SAMD4A: variants seen among roughly 807,000 people sequenced by gnomAD.
SAMD4A encodes the protein protein Smaug homolog 1.
Under a neutral mutation model 81.3 loss-of-function variants are expected in SAMD4A, and 33 were observed. The ratio of observed to expected loss-of-function variants is 0.41; its 90% CI spans 0.31 to 0.54. SAMD4A has a LOEUF of 0.54. Among genes scored for constraint, SAMD4A ranks in the 20% least tolerant of loss-of-function variants. SAMD4A has a pLI of 0.37. For synonymous variants in SAMD4A, 389 were observed against 382.1 expected (o/e 1.02, Z -0.21); for missense variants, 854 against 951.1 (o/e 0.90, Z 1.34).
chr14:54,638,970 C>G (rs1018379325), intron 2 of SAMD4A, among the ~76,000 whole-genome samples: 2 of 152,076 alleles, frequency 1.3e-5, no homozygotes, highest in Non-Finnish European at 2.9e-5. Context: ...TTTTTGAAAT[C>G]TGACCAAGTT....
intron 2 of SAMD4A, among the ~76,000 whole-genome samples, chr14:54,653,457 A>G (rs1461235417): frequency 6.6e-6 from 1 of 151,704 alleles, no homozygotes; most frequent in Non-Finnish European, 1.5e-5. Context: ...CTTCTGCCTC[A>G]GCCTCCTGAG....
At chr14:54,693,764 C>CGAGGA (rs1253215125) in intron 2 of SAMD4A, 8 of 152,198 alleles carry the variant, frequency 5.3e-5, no homozygotes, top group Non-Finnish European at 1.2e-4. Flanking sequence ...AGCTTGCATT[C>CGAGGA]TAATGGAGAG....
At chr14:54,593,644 T>G (rs552461475) in intron 2 of SAMD4A, among the ~76,000 whole-genome samples, 1 of 152,282 alleles carries the variant, frequency 6.6e-6, no homozygotes, top group African/African-American at 2.4e-5. Flanking sequence ...TAATTTTGAT[T>G]GAAAAATGGC....
intron 5 of SAMD4A, among the ~76,000 whole-genome samples, chr14:54,751,053 G>C (rs1234428070): frequency 6.6e-6 from 1 of 152,180 alleles, no homozygotes; most frequent in African/African-American, 2.4e-5. Flanking sequence ...CTTGAGCCCA[G>C]GAGTTTGAGA....
intron 2 of SAMD4A, among the ~76,000 whole-genome samples, chr14:54,602,580 C>T (rs960695778): frequency 5.3e-5 from 8 of 151,464 alleles, no homozygotes; most frequent in Non-Finnish European, 7.4e-5. Flanking sequence ...CCTGTTGGGG[C>T]TAGAATTGGG....
At position 54,715,738 on chromosome 14, in the gene SAMD4A, G is replaced by A. The variant is rs992968705; in HGVS notation, c.715+13158G>A. ...AAAAGAAGATAGCCTAAAATAAAAA[G>A]CAAAATGATTCAGCCTGGAATAATA... is the stretch of plus-strand genomic sequence containing the variant. On this transcript the variant is annotated intron_variant, in intron 3 of 12. Transcript: ENST00000554335. Among the ~76,000 whole-genome samples the A allele has an allele frequency of 2.6e-5, 4 of 152,080 alleles. No individual in the cohort carries two copies. In the East Asian group the frequency reaches 5.8e-4, roughly 22 times the overall value.
intron 2 of SAMD4A, among the ~76,000 whole-genome samples, chr14:54,647,861 T>C (rs1259801732): frequency 2.6e-5 from 4 of 152,252 alleles, no homozygotes; most frequent in Non-Finnish European, 5.9e-5. Flanking sequence ...TACTATCCAG[T>C]AGAACTTCCT....
intron 9 of SAMD4A, among the ~76,000 whole-genome samples, chr14:54,773,261 A>G (rs1012420200): frequency 2.8e-4 from 43 of 152,258 alleles, no homozygotes; most frequent in African/African-American, 1.0e-3. Context: ...ACATACAGGC[A>G]CAGCTCTCTT....
At chr14:54,701,079 G>C (rs1159702420) in intron 2 of SAMD4A, 1 of 149,392 alleles carries the variant, frequency 6.7e-6, no homozygotes, top group Non-Finnish European at 1.5e-5. Flanking sequence ...GCTCACTGCA[G>C]CCTCGACCTC....
At chr14:54,697,285 AT>A (rs1347243825) in intron 2 of SAMD4A, among the ~76,000 whole-genome samples, 3 of 152,296 alleles carry the variant, frequency 2.0e-5, no homozygotes, top group African/African-American at 7.2e-5. Flanking sequence ...TGGCTGGTTA[AT>A]TTGCCACGAG....
intron 3 of SAMD4A, among the ~76,000 whole-genome samples, chr14:54,728,610 C>G (rs2037483540): frequency 6.6e-6 from 1 of 151,922 alleles, no homozygotes; most frequent in Non-Finnish European, 1.5e-5. Context: ...TTAATGAAAA[C>G]AAGAACCAAT....
chr14:54,602,462 A>G (rs1311546849), intron 2 of SAMD4A, among the ~76,000 whole-genome samples: 1 of 152,074 alleles, frequency 6.6e-6, no homozygotes, highest in African/African-American at 2.4e-5. Flanking sequence ...GTTGCGTGGA[A>G]CAGAAACTAG....
chr14:54,623,131 A>T (rs1412339070), intron 2 of SAMD4A, among the ~76,000 whole-genome samples: 3 of 151,212 alleles, frequency 2.0e-5, no homozygotes, highest in Non-Finnish European at 4.4e-5. Flanking sequence ...TCCCCCAGGG[A>T]CTCTCCTTGC....
chr14:54,786,484 C>T (rs746187123), intron 12 of SAMD4A, among the ~76,000 whole-genome samples: 1 of 152,182 alleles, frequency 6.6e-6, no homozygotes, highest in Non-Finnish European at 1.5e-5. Context: ...TGACAGTCTC[C>T]CTGGGGCCAG....
At chr14:54,752,763 C>G (rs956386544) in intron 6 of SAMD4A, among the ~76,000 whole-genome samples, 1 of 152,158 alleles carries the variant, frequency 6.6e-6, no homozygotes, top group Non-Finnish European at 1.5e-5. Context: ...CGGCACCGGT[C>G]TCTGAGTTCC....
intron 2 of SAMD4A, among the ~76,000 whole-genome samples, chr14:54,604,403 CAAGAAAGA>C (rs1279887591): frequency 6.6e-6 from 1 of 152,152 alleles, no homozygotes; most frequent in Non-Finnish European, 1.5e-5. Flanking sequence ...GCTCTTGAAT[CAAGAAAGA>C]AAGGAAGAAC....
chr14:54,602,955 C>T (rs1233681869), intron 2 of SAMD4A, among the ~76,000 whole-genome samples: 2 of 152,220 alleles, frequency 1.3e-5, no homozygotes, highest in Non-Finnish European at 2.9e-5. Context: ...GGTCACACTG[C>T]AGACCTACTG....
chr14:54,734,538 C>T (rs191562138), intron 3 of SAMD4A, among the ~76,000 whole-genome samples: 25 of 152,296 alleles, frequency 1.6e-4, no homozygotes, highest in Non-Finnish European at 5.9e-5. Flanking sequence ...TTCAGTTAAG[C>T]TCAGAAAAGT....
At chr14:54,735,433 A>T (rs948329601) in intron 3 of SAMD4A, among the ~76,000 whole-genome samples, 1 of 152,226 alleles carries the variant, frequency 6.6e-6, no homozygotes, top group Non-Finnish European at 1.5e-5. Flanking sequence ...CTTTGATAGA[A>T]TCTACCCAAA....
Sources: allele counts gnomAD v4.1 joint callset (sites outside exome capture counted in the v4.1 genomes callset), GRCh38; gene constraint gnomAD v4.1.1; transcripts MANE v1.5; gene names NCBI Gene and HGNC (gene_info 2026-07-23, HGNC 2026-07-21).